The following DNAJC15 variants were observed in gnomAD, a reference collection of about 807,000 sequenced individuals.
The protein encoded by DNAJC15 is DnaJ heat shock protein family (Hsp40) member C15.
Under a neutral mutation model 22.4 loss-of-function variants are expected in DNAJC15, and 27 were observed. That is an observed-to-expected ratio of 1.20 (90% confidence interval 0.89 to 1.66). The LOEUF (loss-of-function observed/expected upper bound fraction) is 1.66, where lower values mean the gene tolerates loss of function less well. DNAJC15 is among the 40% of genes most tolerant of loss of function. The pLI is 0.00. For missense variants in DNAJC15, 208 were observed against 187.1 expected, an observed-to-expected ratio of 1.11 and a Z score of -0.65; for synonymous variants, 79 against 63.2, an observed-to-expected ratio of 1.25 and a Z score of -1.19.
At chr13:43,049,014 A>G (rs1233188539) in intron 1 of DNAJC15, among the ~76,000 whole-genome samples, 1 of 152,064 alleles carries the variant, frequency 6.6e-6, no homozygotes, top group Non-Finnish European at 1.5e-5. Flanking sequence ...TTCATCATCT[A>G]CTGCTACATA....
intron 1 of DNAJC15, among the ~76,000 whole-genome samples, chr13:43,045,164 A>G (rs542767298): frequency 2.6e-5 from 4 of 152,120 alleles, no homozygotes; most frequent in East Asian, 1.9e-4. Context: ...CGTTAGGCAC[A>G]CTGGGCACAC....
intron 3 of DNAJC15, among the ~76,000 whole-genome samples, chr13:43,071,713 C>G (rs942415222): frequency 6.6e-6 from 1 of 152,128 alleles, no homozygotes; most frequent in Non-Finnish European, 1.5e-5. Context: ...TTGTGGGTCA[C>G]TAAATCTCTG....
chr13:43,065,556 G>A, intron 1 of DNAJC15, 130 bp from the exon 2 acceptor site: 1 of 708,672 alleles, frequency 1.4e-6, no homozygotes. Context: ...ATTTTTTTAA[G>A]TCCTGATCTT....
intron 5 of DNAJC15, among the ~76,000 whole-genome samples, chr13:43,105,955 T>G (rs1397101019): frequency 2.6e-5 from 4 of 152,230 alleles, no homozygotes; most frequent in Non-Finnish European, 5.9e-5. Flanking sequence ...TAAGTGTTTA[T>G]AGCAATTCAG....
At chr13:43,053,265 C>T (rs140827411) in intron 1 of DNAJC15, among the ~76,000 whole-genome samples, 183 of 152,186 alleles carry the variant, frequency 1.2e-3, no homozygotes, top group African/African-American at 4.0e-3. Flanking sequence ...GGCCTATATG[C>T]CTGTTTTTGT....
rs2040417451 is a variant in DNAJC15, at chr13:43,034,292, T to A, written c.108+10558T>A. ...TCAGATTATTTGGAATTCTTCTGTA[T>A]GGGAGATTTGTCCTTTTTTTTTTTT... On this transcript the variant is annotated intron_variant, in intron 1 of 5. Transcript: ENST00000379221. 2.1e-5 allele frequency among the ~76,000 whole-genome samples: 3 copies of A among 140,782 alleles called. No homozygotes were observed. In the South Asian group the frequency reaches 6.9e-4, roughly 33 times the overall value. 92.4% of individuals were successfully genotyped at this position (140,782 alleles called of 152,430 possible).
chr13:43,083,612 G>A (rs1291093136), intron 4 of DNAJC15, among the ~76,000 whole-genome samples: 2 of 152,168 alleles, frequency 1.3e-5, no homozygotes, highest in East Asian at 1.9e-4. Flanking sequence ...GAGCACCTGT[G>A]TAGCAAAAAA....
chr13:43,062,969 T>TG (rs1566207601), intron 1 of DNAJC15, among the ~76,000 whole-genome samples: 7 of 152,038 alleles, frequency 4.6e-5, no homozygotes, highest in Non-Finnish European at 8.8e-5. Context: ...TCCATCTACC[T>TG]CGGCTTCCCA....
chr13:43,058,992 G>T (rs1170303805), intron 1 of DNAJC15, among the ~76,000 whole-genome samples: 1 of 152,156 alleles, frequency 6.6e-6, no homozygotes, highest in Non-Finnish European at 1.5e-5. Flanking sequence ...GTCTGCAATG[G>T]CAAGCTGCTG....
chr13:43,099,327 A>G (rs1351650759), intron 5 of DNAJC15, among the ~76,000 whole-genome samples: 5 of 152,210 alleles, frequency 3.3e-5, no homozygotes, highest in African/African-American at 4.8e-5. Flanking sequence ...CATGTCACCT[A>G]TGAATAGTGA....
intron 2 of DNAJC15, 39 bp from the exon 3 acceptor site, chr13:43,068,891 A>G (rs1342913320): frequency 1.9e-6 from 3 of 1,567,698 alleles, no homozygotes; most frequent in South Asian, 1.2e-5. Context: ...GATTTTGATT[A>G]TAGAAAATAC....
At chr13:43,051,186 A>C (rs1593314734) in intron 1 of DNAJC15, among the ~76,000 whole-genome samples, 3 of 152,008 alleles carry the variant, frequency 2.0e-5, no homozygotes, top group Admixed American at 2.0e-4. Flanking sequence ...CCATGTTAGC[A>C]AGGCTGGTCT....
At chr13:43,085,712 A>G in intron 4 of DNAJC15, 56 bp from the exon 5 acceptor site, 1 of 1,476,302 alleles carries the variant, frequency 6.8e-7, no homozygotes, top group Non-Finnish European at 9.3e-7. Flanking sequence ...TAAACCCTTA[A>G]TTTATAATCT....
intron 4 of DNAJC15, among the ~76,000 whole-genome samples, chr13:43,080,409 G>A (rs112258263): frequency 0.013 from 1,949 of 152,258 alleles, 39 homozygotes; most frequent in African/African-American, 0.042. Context: ...TTGTGGCTGC[G>A]TAGTATTCCA....
chr13:43,085,036 C>T (rs1406337890), intron 4 of DNAJC15, among the ~76,000 whole-genome samples: 2 of 152,138 alleles, frequency 1.3e-5, no homozygotes, highest in Non-Finnish European at 2.9e-5. Context: ...TTTGATCAAG[C>T]TTACACAATC....
intron 1 of DNAJC15, among the ~76,000 whole-genome samples, chr13:43,043,579 A>T (rs1239068141): frequency 1.3e-5 from 2 of 152,218 alleles, no homozygotes; most frequent in Non-Finnish European, 2.9e-5. Flanking sequence ...TCTATAGTGA[A>T]GATTTAACTT....
intron 1 of DNAJC15, among the ~76,000 whole-genome samples, chr13:43,043,712 T>C (rs1472454168): frequency 6.6e-6 from 1 of 152,206 alleles, no homozygotes; most frequent in Non-Finnish European, 1.5e-5. Context: ...TATTCACTAG[T>C]CTTGCTGTAG....
chr13:43,091,039 G>A (rs549201007), intron 5 of DNAJC15, among the ~76,000 whole-genome samples: 4 of 151,902 alleles, frequency 2.6e-5, no homozygotes, highest in Non-Finnish European at 2.9e-5. Context: ...ACTTCTTTGT[G>A]GGAAGGTTTA....
intron 1 of DNAJC15, among the ~76,000 whole-genome samples, chr13:43,035,837 C>T (rs1170449301): frequency 1.3e-5 from 2 of 152,126 alleles, no homozygotes; most frequent in Non-Finnish European, 1.5e-5. Flanking sequence ...CCTCCCACTT[C>T]AGCTTCCCAA....
Sources: gnomAD v4.1 joint callset for allele counts (sites outside exome capture counted in the v4.1 genomes callset) on GRCh38, gnomAD v4.1.1 for gene constraint, MANE v1.5 for transcripts, NCBI Gene and HGNC (gene_info 2026-07-23, HGNC 2026-07-21) for gene names.